ANKRD30BL: variants seen among roughly 807,000 people sequenced by gnomAD.
ANKRD30BL encodes putative ankyrin repeat domain-containing protein 30B-like.
ANKRD30BL carries 20 observed loss-of-function variants against 18.4 expected under a neutral mutation model. The ratio of observed to expected loss-of-function variants is 1.09; its 90% CI spans 0.77 to 1.58. The LOEUF (loss-of-function observed/expected upper bound fraction) is 1.58. Among genes scored for constraint, ANKRD30BL ranks in the 40% most tolerant of loss-of-function variants. The pLI is 0.00. For synonymous variants in ANKRD30BL, 72 were observed against 100.9 expected (o/e 0.71, Z 1.72); for missense variants, 224 against 268.6 (o/e 0.83, Z 1.16).
intron 1 of ANKRD30BL, among the ~76,000 whole-genome samples, chr2:132,172,747 G>A (rs1189365057): frequency 4.7e-5 from 7 of 149,052 alleles, no homozygotes; most frequent in Non-Finnish European, 7.4e-5. Flanking sequence ...TTACTCTGTC[G>A]CCCAGGCTGG....
chr2:132,231,658 T>A (rs1052087758), intron 1 of ANKRD30BL, among the ~76,000 whole-genome samples: 11 of 151,970 alleles, frequency 7.2e-5, no homozygotes, highest in African/African-American at 2.7e-4. Flanking sequence ...CACCACGAGA[T>A]TATATCCCGC....
chr2:132,215,137 G>A (rs1679461752), intron 1 of ANKRD30BL, among the ~76,000 whole-genome samples: 2 of 151,970 alleles, frequency 1.3e-5, no homozygotes, highest in African/African-American at 4.8e-5. Context: ...ATCTGCAAGT[G>A]GACATTTGGA....
chr2:132,257,256 AC>A (rs1680881684), intron 1 of ANKRD30BL, among the ~76,000 whole-genome samples: 1 of 152,050 alleles, frequency 6.6e-6, no homozygotes. Context: ...AGGCGGCCCA[AC>A]CCCGTGCCAC....
rs1328738260 is a variant in ANKRD30BL at position 132,252,410 on chromosome 2, G to A, written n.441+5119C>T. On this transcript the variant is annotated intron_variant and non_coding_transcript_variant, in intron 1 of 4. Coordinates refer to the ANKRD30BL transcript ENST00000470729. The stretch of plus-strand genomic sequence containing the variant: ...TGGCGGTGGGCACACGATGGTGGAC[G>A]ACACCACAGCATCCAGTGGATCACC... 3.3e-5 allele frequency among the ~76,000 whole-genome samples: 5 copies of A among 152,324 alleles called. No individual in the cohort carries two copies. The South Asian group carries it at 6.2e-4, about 19-fold the overall frequency.
At chr2:132,235,760 T>C (rs913630982) in intron 1 of ANKRD30BL, among the ~76,000 whole-genome samples, 4 of 152,110 alleles carry the variant, frequency 2.6e-5, no homozygotes, top group African/African-American at 9.7e-5. Flanking sequence ...ATGGCCATAC[T>C]GCCCAAGGTA....
intron 1 of ANKRD30BL, among the ~76,000 whole-genome samples, chr2:132,231,926 A>T (rs890477304): frequency 2.0e-5 from 3 of 152,188 alleles, no homozygotes; most frequent in Admixed American, 6.5e-5. Flanking sequence ...TGCAGACTTA[A>T]ATGTCCCTGT....
chr2:132,213,505 G>A (rs971186102), intron 1 of ANKRD30BL, among the ~76,000 whole-genome samples: 4 of 152,186 alleles, frequency 2.6e-5, no homozygotes, highest in African/African-American at 9.6e-5. Context: ...GAAGCATTCT[G>A]AGAAACTTCT....
chr2:132,202,509 CA>C (rs1460171310), intron 1 of ANKRD30BL, among the ~76,000 whole-genome samples: 1 of 147,158 alleles, frequency 6.8e-6, no homozygotes. Context: ...TCAGAAATTT[CA>C]AAAAAATAAA....
intron 1 of ANKRD30BL, among the ~76,000 whole-genome samples, chr2:132,184,549 T>C (rs2104950369): frequency 6.6e-6 from 1 of 152,356 alleles, no homozygotes; most frequent in East Asian, 1.9e-4. Context: ...TGAAATAATG[T>C]ATGGATTAAT....
At chr2:132,173,046 A>G (rs1355247163) in intron 1 of ANKRD30BL, among the ~76,000 whole-genome samples, 5 of 17,266 alleles carry the variant, frequency 2.9e-4, no homozygotes, top group African/African-American at 1.2e-3. Flanking sequence ...CTTTTGATGA[A>G]ACTAATTTTT....
chr2:132,192,500 C>G (rs1360852069), intron 1 of ANKRD30BL, among the ~76,000 whole-genome samples: 1 of 152,160 alleles, frequency 6.6e-6, no homozygotes, highest in South Asian at 2.1e-4. Context: ...ATGCTTCTGG[C>G]GCTACCTCTT....
intron 1 of ANKRD30BL, among the ~76,000 whole-genome samples, chr2:132,240,773 G>C (rs557362127): frequency 6.6e-6 from 1 of 151,560 alleles, no homozygotes; most frequent in Non-Finnish European, 1.5e-5. Context: ...CCCTCTTTTT[G>C]TAGTTTCTGG....
intron 1 of ANKRD30BL, among the ~76,000 whole-genome samples, chr2:132,238,233 A>T (rs1260009787): frequency 6.6e-6 from 1 of 151,814 alleles, no homozygotes; most frequent in Non-Finnish European, 1.5e-5. Flanking sequence ...GTTATGAAAG[A>T]CTCTTCTTAT....
chr2:132,236,139 T>G, intron 1 of ANKRD30BL, among the ~76,000 whole-genome samples: 1 of 151,998 alleles, frequency 6.6e-6, no homozygotes, highest in Non-Finnish European at 1.5e-5. Flanking sequence ...TAGCCATATG[T>G]AGAAAGCTGA....
At chr2:132,169,674 G>T (rs887019436) in intron 1 of ANKRD30BL, among the ~76,000 whole-genome samples, 3 of 147,812 alleles carry the variant, frequency 2.0e-5, no homozygotes, top group African/African-American at 7.5e-5. Context: ...AAAAAGAGGT[G>T]AATGGTTTAG....
At chr2:132,245,137 G>A (rs75344592) in intron 1 of ANKRD30BL, among the ~76,000 whole-genome samples, 60 of 438 alleles carry the variant, frequency 0.14, no homozygotes, top group Middle Eastern at 0.5. Context: ...CTCAGAAGCT[G>A]CTTTTTGATG....
chr2:132,156,897 T>C (rs1295086747), intron 3 of ANKRD30BL, 76 bp downstream of exon 3: 2 of 461,790 alleles, frequency 4.3e-6, no homozygotes, highest in African/African-American at 2.0e-5. Flanking sequence ...CTTCCAAATA[T>C]AAAACAATTT....
chr2:132,216,475 G>T (rs1348880378), intron 1 of ANKRD30BL, among the ~76,000 whole-genome samples: 1 of 151,972 alleles, frequency 6.6e-6, no homozygotes, highest in African/African-American at 2.4e-5. Flanking sequence ...TGTAGAATCT[G>T]CAAGTGGACA....
At chr2:132,186,001 C>T (rs1688553794) in intron 1 of ANKRD30BL, among the ~76,000 whole-genome samples, 1 of 151,852 alleles carries the variant, frequency 6.6e-6, no homozygotes, top group African/African-American at 2.4e-5. Flanking sequence ...ATTAACCAGG[C>T]GTGGTGGCAT....
Sources: gnomAD v4.1 joint callset for allele counts (sites outside exome capture counted in the v4.1 genomes callset) on GRCh38, gnomAD v4.1.1 for gene constraint, MANE v1.5 for transcripts, NCBI Gene and HGNC (gene_info 2026-07-23, HGNC 2026-07-21) for gene names.